Variants in TENM3 observed in about 807,000 individuals in gnomAD.
TENM3 encodes teneurin transmembrane protein 3.
TENM3 carries 63 observed loss-of-function variants against 255.1 expected under a neutral mutation model. The ratio of observed to expected loss-of-function variants is 0.25; its 90% CI spans 0.20 to 0.30. The LOEUF is 0.30. Among genes scored for constraint, TENM3 ranks in the 10% least tolerant of loss-of-function variants. The probability of loss-of-function intolerance (pLI) is 1.00; values close to 1 mark genes in which losing one functional copy is unlikely to be tolerated. For synonymous variants in TENM3, 1,306 were observed against 1,322.3 expected (o/e 0.99, Z 0.27); for missense variants, 2,929 against 3,461.1 (o/e 0.85, Z 3.86).
chr4:182,186,251 T>G (rs1000916829), intron 1 of TENM3, among the ~76,000 whole-genome samples: 59 of 152,260 alleles, frequency 3.9e-4, no homozygotes, highest in African/African-American at 1.4e-3. Context: ...TATTAATCTT[T>G]TGTCAATAAT....
the TENM3 span, among the ~76,000 whole-genome samples, chr4:181,814,225 G>A: frequency 7.4e-4 from 112 of 152,130 alleles, no homozygotes; most frequent in African/African-American, 2.4e-3. Flanking sequence ...ATCAACAAGG[G>A]CGATACTAAT....
At chr4:182,417,128 C>T (rs981028096) in intron 3 of TENM3, among the ~76,000 whole-genome samples, 1 of 152,032 alleles carries the variant, frequency 6.6e-6, no homozygotes, top group Admixed American at 6.6e-5. Flanking sequence ...CGCCTGCCAC[C>T]ACGCCCAGCT....
chr4:181,671,745 C>CTT, the TENM3 span, among the ~76,000 whole-genome samples: 3 of 146,698 alleles, frequency 2.0e-5, no homozygotes, highest in African/African-American at 7.4e-5. Flanking sequence ...GCAAACTTTA[C>CTT]TTTTTTTTTT....
At chr4:182,361,205 G>A (rs564080588) in intron 3 of TENM3, among the ~76,000 whole-genome samples, 1 of 152,042 alleles carries the variant, frequency 6.6e-6, no homozygotes, top group South Asian at 2.1e-4. Context: ...GTGTCTTGGA[G>A]TTGCTCTTCT....
the TENM3 span, among the ~76,000 whole-genome samples, chr4:181,553,528 G>T: frequency 2.0e-5 from 3 of 151,736 alleles, no homozygotes; most frequent in Admixed American, 6.6e-5. Flanking sequence ...TGCAAGCTCC[G>T]CCTCCCGGGT....
At chr4:182,210,013 C>T (rs952946857) in intron 1 of TENM3, among the ~76,000 whole-genome samples, 2 of 152,146 alleles carry the variant, frequency 1.3e-5, no homozygotes, top group Admixed American at 1.3e-4. Flanking sequence ...CAACCTCCAG[C>T]CCTCCCCAGC....
chr4:182,033,299 T>A, the TENM3 span, among the ~76,000 whole-genome samples: 2 of 152,202 alleles, frequency 1.3e-5, no homozygotes, highest in Admixed American at 6.5e-5. Context: ...TTTTGCTATT[T>A]ACCCAGGAGC....
At chr4:182,450,403 GT>G (rs530188974) in intron 3 of TENM3, among the ~76,000 whole-genome samples, 13 of 149,084 alleles carry the variant, frequency 8.7e-5, no homozygotes, top group South Asian at 2.1e-4. Flanking sequence ...TTTTGTTTTT[GT>G]TTTTTTTTTC....
chr4:182,745,808 C>G (rs567175854), intron 19 of TENM3, among the ~76,000 whole-genome samples: 1 of 49,640 alleles, frequency 2.0e-5, no homozygotes, highest in Non-Finnish European at 3.9e-5. Context: ...GCCATAATCT[C>G]TCCCTCTGGA....
At chr4:182,156,627 A>C (rs1270631649) in intron 1 of TENM3, among the ~76,000 whole-genome samples, 3 of 152,234 alleles carry the variant, frequency 2.0e-5, no homozygotes, top group Non-Finnish European at 4.4e-5. Flanking sequence ...CCCCATTAAA[A>C]TATATATTTA....
chr4:181,913,521 C>A, the TENM3 span, among the ~76,000 whole-genome samples: 1 of 152,040 alleles, frequency 6.6e-6, no homozygotes, highest in Non-Finnish European at 1.5e-5. Flanking sequence ...AGGGTTAGAC[C>A]GCACAGTCTA....
intron 1 of TENM3, among the ~76,000 whole-genome samples, chr4:182,249,820 A>G (rs1467510879): frequency 6.6e-6 from 1 of 152,008 alleles, no homozygotes; most frequent in Non-Finnish European, 1.5e-5. Context: ...GCTGGAGTGC[A>G]GTGGTTCAGT....
chr4:181,754,506 A>G, the TENM3 span, among the ~76,000 whole-genome samples: 1 of 152,294 alleles, frequency 6.6e-6, no homozygotes, highest in East Asian at 1.9e-4. Flanking sequence ...AGATTGTGAA[A>G]TGGGTCTTCA....
At chr4:181,508,809 A>T in the TENM3 span, among the ~76,000 whole-genome samples, 2 of 150,802 alleles carry the variant, frequency 1.3e-5, no homozygotes, top group Non-Finnish European at 2.9e-5. Flanking sequence ...TTGATCCGTC[A>T]CTGCTTGATG....
At position 182,665,671 on chromosome 4, in the gene TENM3, G is replaced by A. The variant is rs574942493; in HGVS notation, c.1112-7334G>A. On this transcript the variant is annotated intron_variant, in intron 6 of 27. Transcript: ENST00000511685. The stretch of plus-strand genomic sequence containing the variant: ...AGCACATTGGGAGGCTGAGGCGGGC[G>A]GATCACGAGGTCAGGAGATCGAGAC... Among the ~76,000 whole-genome samples, 10 of 152,208 alleles carry A rather than the reference G, an allele frequency of 6.6e-5. No homozygotes were observed. In the South Asian group the frequency reaches 1.2e-3, roughly 19 times the overall value.
intron 3 of TENM3, among the ~76,000 whole-genome samples, chr4:182,375,378 G>T (rs1389246268): frequency 6.6e-6 from 1 of 152,094 alleles, no homozygotes; most frequent in Non-Finnish European, 1.5e-5. Flanking sequence ...AAATGTCCAT[G>T]GAACTAGGCA....
the TENM3 span, among the ~76,000 whole-genome samples, chr4:181,839,345 GTATATA>G: frequency 2.3e-3 from 132 of 56,652 alleles, 1 homozygote; most frequent in African/African-American, 5.9e-3. Context: ...TGTATTGAGG[GTATATA>G]TATATATATA....
the TENM3 span, among the ~76,000 whole-genome samples, chr4:182,025,019 C>CTTTTT: frequency 4.3e-5 from 4 of 92,188 alleles, no homozygotes; most frequent in African/African-American, 1.6e-4. Flanking sequence ...GACAGGATTT[C>CTTTTT]ATTTTTTTTT....
chr4:181,629,150 G>A, the TENM3 span, among the ~76,000 whole-genome samples: 1 of 152,128 alleles, frequency 6.6e-6, no homozygotes, highest in Admixed American at 6.5e-5. Flanking sequence ...TGTTATTTGT[G>A]TATAGGAATG....
Sources: gnomAD v4.1 joint callset for allele counts (sites outside exome capture counted in the v4.1 genomes callset) on GRCh38, gnomAD v4.1.1 for gene constraint, MANE v1.5 for transcripts, NCBI Gene and HGNC (gene_info 2026-07-23, HGNC 2026-07-21) for gene names.